Variants in TDRD5 observed in about 807,000 individuals in gnomAD.
TDRD5 encodes tudor domain-containing protein 5.
TDRD5 carries 41 observed loss-of-function variants against 120.6 expected under a neutral mutation model. That is an observed-to-expected ratio of 0.34 (90% CI 0.26 to 0.44). The LOEUF is 0.44. TDRD5 is among the 20% of genes least tolerant of loss of function. TDRD5 has a pLI of 1.00. For synonymous variants in TDRD5, 430 were observed against 433.7 expected (o/e 0.99, Z 0.11); for missense variants, 1,006 against 1,221.2 (o/e 0.82, Z 2.63).
chr1:179,646,875 T>C (rs369414981), intron 11 of TDRD5, among the ~76,000 whole-genome samples: 22 of 151,500 alleles, frequency 1.5e-4, no homozygotes, highest in African/African-American at 5.1e-4. Flanking sequence ...ATAAAATACC[T>C]AGGAATCCAA....
chr1:179,620,787 A>C (rs1021062446), intron 5 of TDRD5, among the ~76,000 whole-genome samples: 3 of 151,976 alleles, frequency 2.0e-5, no homozygotes, highest in Non-Finnish European at 4.4e-5. Flanking sequence ...ATTTCTGGAG[A>C]GTTGTGGTAT....
intron 6 of TDRD5, among the ~76,000 whole-genome samples, chr1:179,626,676 G>A (rs116178832): frequency 0.029 from 4,445 of 152,258 alleles, 91 homozygotes; most frequent in Middle Eastern, 0.079. Flanking sequence ...TGGATACACA[G>A]ATGACATAGC....
chr1:179,661,041 A>G (rs1350513465), intron 14 of TDRD5, among the ~76,000 whole-genome samples: 1 of 152,174 alleles, frequency 6.6e-6, no homozygotes, highest in Non-Finnish European at 1.5e-5. Flanking sequence ...TGCAAAATCC[A>G]CAGTAATTGA....
intron 6 of TDRD5, among the ~76,000 whole-genome samples, chr1:179,625,156 C>G (rs1677056242): frequency 6.7e-6 from 1 of 149,998 alleles, no homozygotes; most frequent in South Asian, 2.1e-4. Flanking sequence ...GAATCCCAAC[C>G]CCAACCCGAC....
chr1:179,651,864 G>C lies in TDRD5; in HGVS notation c.2002-175G>C, dbSNP rs1572400851. Among the ~76,000 whole-genome samples, 2 of 152,250 alleles carry C rather than the reference G, an allele frequency of 1.3e-5. 1 individual carries two copies. Among genetic ancestry groups the C allele is most frequent in the South Asian group, 4.1e-4 (2 of 4,830 alleles). On this transcript the variant is annotated intron_variant, in intron 12 of 17. Transcript: ENST00000444136. The stretch of plus-strand genomic sequence containing the variant: ...GGAGGCAGAGGTTGCAGTGAGCCGA[G>C]ATTGGACCACTGCACTCCAGCCTGG...
intron 6 of TDRD5, among the ~76,000 whole-genome samples, chr1:179,623,133 T>A (rs1443141232): frequency 2.6e-5 from 4 of 152,142 alleles, no homozygotes; most frequent in African/African-American, 9.7e-5. Context: ...ATATTTTATA[T>A]CCAGTGATAA....
At position 179,690,716 on chromosome 1, in the gene TDRD5, C is replaced by G; in HGVS notation, c.2881C>G (p.Leu961Val). The G allele has an allele frequency of 6.2e-7, 1 of 1,613,880 alleles. No individual in the cohort carries two copies. Among genetic ancestry groups the G allele is most frequent in the South Asian group, 1.1e-5 (1 of 91,066 alleles). ...SGSVESSPEI[L>V]KNEDFSSSRA... ...TCCAGTGGAAAGCTCACCAGAGATC[C>G]TAAAGAATGAAGATTTTTCTAGCAG... Residue 961 changes from leucine (L) to valine (V), a missense_variant, in exon 18 of 18, where the codon CTA becomes GTA. Coordinates refer to ENST00000444136, the MANE Select transcript of TDRD5 (RefSeq NM_001199085.3).
At position 179,629,497 on chromosome 1, in the gene TDRD5, A is replaced by G. The variant is rs147167282; in HGVS notation, c.973-1270A>G. Among the ~76,000 whole-genome samples the G allele has an allele frequency of 1.7e-3, 252 of 152,332 alleles. 1 individual carries two copies. Among genetic ancestry groups the G allele is most frequent in the Non-Finnish European group, 3.0e-3 (202 of 68,036 alleles). ...AAAGAATGAAGATAGAAGTCACTCA[A>G]CAACAAAAAAGTCTCTTTAGATGTA... On this transcript the variant is annotated intron_variant, in intron 6 of 17. Coordinates refer to ENST00000444136, the MANE Select transcript of TDRD5 (RefSeq NM_001199085.3).
At chr1:179,666,264 C>T (rs1679547944) in intron 16 of TDRD5, among the ~76,000 whole-genome samples, 1 of 152,186 alleles carries the variant, frequency 6.6e-6, no homozygotes, top group South Asian at 2.1e-4. Context: ...CTGTTCAGCA[C>T]CTTTCCATTT....
intron 15 of TDRD5, 45 bp downstream of exon 15, chr1:179,662,331 C>CG: frequency 6.4e-7 from 1 of 1,564,930 alleles, no homozygotes. Context: ...CCGGGCACTG[C>CG]GGCTCAAGCC....
intron 5 of TDRD5, 94 bp downstream of exon 5, chr1:179,618,776 T>C: frequency 1.1e-6 from 1 of 896,906 alleles, no homozygotes; most frequent in Non-Finnish European, 1.6e-6. Context: ...TTAATTTACA[T>C]CTAATCTTTA....
At chr1:179,608,931 T>C (rs1156667545) in intron 4 of TDRD5, among the ~76,000 whole-genome samples, 1 of 152,146 alleles carries the variant, frequency 6.6e-6, no homozygotes, top group Non-Finnish European at 1.5e-5. Context: ...TAGACTTAAT[T>C]ATGTTCTCCC....
At chr1:179,646,334 T>A (rs955687876) in intron 11 of TDRD5, among the ~76,000 whole-genome samples, 2 of 152,176 alleles carry the variant, frequency 1.3e-5, no homozygotes, top group Admixed American at 6.5e-5. Context: ...TTGCATAAAA[T>A]AATGTCAATT....
chr1:179,593,355 TA>T, intron 2 of TDRD5, 104 bp from the exon 3 acceptor site: 2 of 1,274,576 alleles, frequency 1.6e-6, no homozygotes, highest in Non-Finnish European at 2.1e-6. Flanking sequence ...GCTGCCTGGA[TA>T]AACAGCTCCT....
At chr1:179,669,644 GTAAAAT>G (rs1679750031) in intron 17 of TDRD5, among the ~76,000 whole-genome samples, 1 of 152,094 alleles carries the variant, frequency 6.6e-6, no homozygotes, top group African/African-American at 2.4e-5. Context: ...TTTATATAGA[GTAAAAT>G]TTGCTGGTTG....
chr1:179,655,676 C>G (rs934364815), intron 14 of TDRD5, among the ~76,000 whole-genome samples: 1 of 152,148 alleles, frequency 6.6e-6, no homozygotes, highest in African/African-American at 2.4e-5. Context: ...TTTACCTTTT[C>G]AGGACTGTCA....
At position 179,669,200 on chromosome 1, in the gene TDRD5, G is replaced by T; in HGVS notation, c.2656G>T (p.Asp886Tyr). The T allele has an allele frequency of 6.2e-6, 10 of 1,613,026 alleles. No homozygotes were observed. Among genetic ancestry groups the T allele is most frequent in the Non-Finnish European group, 8.5e-6 (10 of 1,179,514 alleles). The change falls in exon 17 of 18, where the codon GAC becomes TAC. Residue 886 changes from aspartate (D) to tyrosine (Y), a missense_variant. Physicochemically the swap from Asp to Tyr is radical, Grantham distance 160. Transcript: ENST00000444136. Reference sequence around the variant, plus strand: ...CATTTTTCCCATTCTGCAGCAACTAGACATAAATGGTTCTTCAGATTCTTC... The same window carrying T: ...CATTTTTCCCATTCTGCAGCAACTATACATAAATGGTTCTTCAGATTCTTC... Reference protein sequence around the residue: ...TGTNRTQKQLDINGSSDSSTL... With the variant: ...TGTNRTQKQLYINGSSDSSTL...
At chr1:179,596,498 C>T (rs1406545948) in intron 4 of TDRD5, among the ~76,000 whole-genome samples, 1 of 152,252 alleles carries the variant, frequency 6.6e-6, no homozygotes, top group Non-Finnish European at 1.5e-5. Context: ...CTTTCCCCAA[C>T]TGCAGCCACA....
intron 11 of TDRD5, among the ~76,000 whole-genome samples, chr1:179,642,590 C>T (rs1448155570): frequency 6.6e-6 from 1 of 152,174 alleles, no homozygotes; most frequent in East Asian, 1.9e-4. Context: ...TTCATTGTCA[C>T]CTTGTTTTAT....
Sources: gnomAD v4.1 joint callset for allele counts (sites outside exome capture counted in the v4.1 genomes callset) on GRCh38, gnomAD v4.1.1 for gene constraint, MANE v1.5 for transcripts, NCBI Gene and HGNC (gene_info 2026-07-23, HGNC 2026-07-21) for gene names.